Variants in TGDS observed in about 807,000 individuals in gnomAD.
TGDS encodes TDP-glucose 4,6-dehydratase, also known as UDP-D-glucose 4,6-dehydratase.
Under a neutral mutation model 52.3 loss-of-function variants are expected in TGDS, and 47 were observed. The observed-to-expected ratio is 0.90, with a 90% CI of 0.71 to 1.15. TGDS has a LOEUF of 1.15. TGDS is among the 50% of genes most tolerant of loss of function. TGDS has a pLI of 0.00. For missense variants in TGDS, 375 were observed against 418.4 expected, an observed-to-expected ratio of 0.90 and a Z score of 0.90; for synonymous variants, 115 against 136.9, an observed-to-expected ratio of 0.84 and a Z score of 1.12.
At chr13:94,583,636 C>A (rs7330873) in intron 4 of TGDS, among the ~76,000 whole-genome samples, 103,372 of 151,998 alleles carry the variant, frequency 0.68, 35,544 homozygotes, top group African/African-American at 0.77. Context: ...ATTCACCTTA[C>A]AAGAATTGAA....
intron 11 of TGDS, among the ~76,000 whole-genome samples, chr13:94,576,062 C>T (rs551801565): frequency 3.3e-5 from 5 of 152,070 alleles, no homozygotes; most frequent in African/African-American, 1.2e-4. Context: ...AAAATATGTA[C>T]CTCAGAATAA....
intron 1 of TGDS, among the ~76,000 whole-genome samples, chr13:94,594,390 A>G (rs1889304488): frequency 6.6e-6 from 1 of 152,196 alleles, no homozygotes; most frequent in Non-Finnish European, 1.5e-5. Context: ...GATTTTGGTA[A>G]TGTTAAACCA....
chr13:94,595,722 G>A (rs966695875), intron 1 of TGDS, among the ~76,000 whole-genome samples: 2 of 152,230 alleles, frequency 1.3e-5, no homozygotes, highest in South Asian at 2.1e-4. Context: ...GGGTGTGGGT[G>A]CTCTAGGCTG....
Position 94,574,449 on chromosome 13 carries a change from T to C in TGDS, c.*333A>G, listed in dbSNP as rs142377470. 1.6e-3 allele frequency: 322 copies of C among 199,520 alleles called. 1 individual carries two copies. The highest frequency in any genetic ancestry group is 2.6e-3 in the Non-Finnish European group (257 of 99,688). 12.4% of individuals were successfully genotyped at this position (199,520 alleles called of 1,614,324 possible). ...TCTTAGGCACTGAGTTCAAAACCAG[T>C]GAAGGTTGCCTTCTCCCTAGCACCA... On this transcript the variant is annotated 3_prime_UTR_variant, in exon 12 of 12. Coordinates refer to ENST00000261296, the MANE Select transcript of TGDS (RefSeq NM_014305.4).
rs377264139 is a variant in TGDS at position 94,578,714 on chromosome 13, G to C, written c.659+16C>G. The C allele has an allele frequency of 6.3e-5, 96 of 1,522,160 alleles. No homozygotes were observed. The highest frequency in any genetic ancestry group is 8.3e-5 in the Non-Finnish European group (92 of 1,103,860). The allele number at this position is 1,522,160 out of a possible 1,614,324, so 94.3% of individuals were successfully genotyped here. ...TACCAGAAAAGCATATGGGTAAAAA[G>C]GTAATAATAACATACCATTTCCTGT... On this transcript the variant is annotated intron_variant, in intron 8 of 11. Transcript: ENST00000261296.
chr13:94,581,912 T>C (rs1387814264), intron 5 of TGDS, among the ~76,000 whole-genome samples: 1 of 152,156 alleles, frequency 6.6e-6, no homozygotes, highest in Non-Finnish European at 1.5e-5. Flanking sequence ...AAAAAATAGA[T>C]TCTAAGGCTG....
At chr13:94,578,493 A>G (rs1052658099) in intron 8 of TGDS, among the ~76,000 whole-genome samples, 2 of 152,182 alleles carry the variant, frequency 1.3e-5, no homozygotes, top group Non-Finnish European at 2.9e-5. Context: ...TAGATTTCAA[A>G]TTTTAATGCT....
At chr13:94,587,987 A>G (rs577525306) in intron 4 of TGDS, among the ~76,000 whole-genome samples, 1 of 125,110 alleles carries the variant, frequency 8.0e-6, no homozygotes, top group South Asian at 3.0e-4. Context: ...ACAGAGCAAG[A>G]CACTCCATCT....
chr13:94,576,814 T>A (rs1888618275), intron 10 of TGDS, among the ~76,000 whole-genome samples: 1 of 152,184 alleles, frequency 6.6e-6, no homozygotes, highest in Admixed American at 6.5e-5. Context: ...AGAAAGATGT[T>A]ATTATTGGCC....
Position 94,581,209 on chromosome 13 carries a change from T to C in TGDS, c.457-20A>G. 6.9e-7 allele frequency: 1 copy of C among 1,446,646 alleles called. No individual in the cohort carries two copies. Among genetic ancestry groups the C allele is most frequent in the Non-Finnish European group, 9.4e-7 (1 of 1,062,302 alleles). 89.6% of individuals were successfully genotyped at this position (1,446,646 alleles called of 1,614,324 possible). ...AAATTCCTATTTTTAAAAATATATATTTAAAAAAGTGTTATGCATATTTTA... is the reference window on the plus strand; with the variant it reads ...AAATTCCTATTTTTAAAAATATATACTTAAAAAAGTGTTATGCATATTTTA... On this transcript the variant is annotated intron_variant, in intron 5 of 11. Transcript: ENST00000261296.
At position 94,590,945 on chromosome 13, in the gene TGDS, T is replaced by C; in HGVS notation, c.223-2A>G. 1.3e-6 allele frequency: 2 copies of C among 1,566,562 alleles called. No homozygotes were observed. The highest frequency in any genetic ancestry group is 1.7e-6 in the Non-Finnish European group (2 of 1,163,594). ...AAAGTGAGAATCACATATGTCACCC[T>C]ATATGAAAAAGCAAACATGAAAGGG... On this transcript the variant is annotated splice_acceptor_variant, in intron 3 of 11. Coordinates refer to ENST00000261296, the MANE Select transcript of TGDS (RefSeq NM_014305.4). LOFTEE classifies it high-confidence loss of function.
At position 94,593,912 on chromosome 13, in the gene TGDS, G is replaced by A. The variant is rs112229637; in HGVS notation, c.87-5C>T. Reference sequence around the variant, plus strand: ...GAGACAATCATATGTGATGCACTATGGAAAAAAAGTATATCTTGTTAGTGA... The same window carrying A: ...GAGACAATCATATGTGATGCACTATAGAAAAAAAGTATATCTTGTTAGTGA... On this transcript the variant is annotated splice_region_variant and splice_polypyrimidine_tract_variant and intron_variant, in intron 1 of 11. Coordinates refer to ENST00000261296, the MANE Select transcript of TGDS (RefSeq NM_014305.4). 2.6e-6 allele frequency: 4 copies of A among 1,535,724 alleles called. No homozygotes were observed. The highest frequency in any genetic ancestry group is 3.5e-6 in the Non-Finnish European group (4 of 1,135,092).
At chr13:94,580,623 C>T (rs1594442385) in intron 6 of TGDS, among the ~76,000 whole-genome samples, 1 of 152,146 alleles carries the variant, frequency 6.6e-6, no homozygotes, top group African/African-American at 2.4e-5. Flanking sequence ...TGTCTTCCTC[C>T]ACTCATAGGA....
chr13:94,590,500 T>C (rs909625408), intron 4 of TGDS, among the ~76,000 whole-genome samples: 18 of 152,014 alleles, frequency 1.2e-4, no homozygotes, highest in Non-Finnish European at 2.6e-4. Flanking sequence ...TATTAGAAAA[T>C]ATCTAAAATT....
rs868250784 is a variant in TGDS, at chr13:94,583,003, A to G, written c.456+91T>C. Reference sequence around the variant, plus strand: ...CTGAAGAGTGCCACAAGTGTATATAATTTGAGGATGAAAAAAGCCCAGTGT... The same window carrying G: ...CTGAAGAGTGCCACAAGTGTATATAGTTTGAGGATGAAAAAAGCCCAGTGT... On this transcript the variant is annotated intron_variant, in intron 5 of 11. Transcript: ENST00000261296. 1.7e-5 allele frequency: 23 copies of G among 1,380,230 alleles called. No homozygotes were observed. The Middle Eastern group carries it at 5.5e-4, about 33-fold the overall frequency. 85.5% of individuals were successfully genotyped at this position (1,380,230 alleles called of 1,614,324 possible). A position where few individuals can be genotyped will look rare whatever the true frequency, so the allele number is the denominator to read the frequency against.
At chr13:94,595,112 G>C (rs1184238403) in intron 1 of TGDS, among the ~76,000 whole-genome samples, 1 of 152,160 alleles carries the variant, frequency 6.6e-6, no homozygotes, top group East Asian at 1.9e-4. Flanking sequence ...GGTCAGGTAA[G>C]AACTCTCTGA....
chr13:94,578,631 A>G, intron 8 of TGDS, 99 bp downstream of exon 8: 1 of 886,894 alleles, frequency 1.1e-6, no homozygotes, highest in Non-Finnish European at 1.8e-6. Context: ...GGGGCATTCA[A>G]TTCTATGGCC....
chr13:94,581,115 T>G lies in TGDS; in HGVS notation c.531A>C (p.Val177=). ...CCTTATATTGTTCCCAGTAAGACTG[T>G]ACAAAACATTCAGCAGCTGCTTTAG... ...ASSKAAAECF[V]QSYWEQYKFP... The change falls in exon 6 of 12, where the codon GTA becomes GTC. Residue 177 remains valine, a synonymous_variant. Coordinates refer to ENST00000261296, the MANE Select transcript of TGDS (RefSeq NM_014305.4). The G allele has an allele frequency of 6.3e-7, 1 of 1,592,518 alleles. No individual in the cohort carries two copies. Among genetic ancestry groups the G allele is most frequent in the Non-Finnish European group, 8.6e-7 (1 of 1,168,574 alleles).
At chr13:94,576,112 A>G (rs747904436) in intron 11 of TGDS, among the ~76,000 whole-genome samples, 5 of 152,222 alleles carry the variant, frequency 3.3e-5, no homozygotes, top group African/African-American at 7.2e-5. Flanking sequence ...AGATATGGGA[A>G]GATTGATCAG....
Sources: allele counts gnomAD v4.1 joint callset (sites outside exome capture counted in the v4.1 genomes callset), GRCh38; gene constraint gnomAD v4.1.1; transcripts MANE v1.5; gene names NCBI Gene and HGNC (gene_info 2026-07-23, HGNC 2026-07-21).